The following IMMP2L variants were observed in gnomAD, a reference collection of about 807,000 sequenced individuals.
The protein encoded by IMMP2L is mitochondrial inner membrane protease subunit 2.
A neutral mutation model predicts 19.3 loss-of-function variants in IMMP2L; 18 were observed. That is an observed-to-expected ratio of 0.93 (90% CI 0.64 to 1.38). The LOEUF (loss-of-function observed/expected upper bound fraction) is 1.38. IMMP2L is among the 40% of genes most tolerant of loss of function. The probability of loss-of-function intolerance (pLI) is 0.00; values close to 1 mark genes in which losing one functional copy is unlikely to be tolerated. For missense variants in IMMP2L, 233 were observed against 218.2 expected (o/e 1.07, Z -0.43); for synonymous variants, 76 against 73.0 (o/e 1.04, Z -0.21).
chr7:111,290,506 A>T (rs184484799), intron 3 of IMMP2L, among the ~76,000 whole-genome samples: 13,320 of 141,690 alleles, frequency 0.094, 641 homozygotes, highest in African/African-American at 0.14. Context: ...CTTCTTTTTA[A>T]AAAAAAAAAA....
intron 5 of IMMP2L, among the ~76,000 whole-genome samples, chr7:110,741,362 T>C (rs896889841): frequency 6.6e-6 from 1 of 152,246 alleles, no homozygotes; most frequent in Non-Finnish European, 1.5e-5. Context: ...AAATTCATAC[T>C]GAAGCTTAAT....
At chr7:111,531,555 G>C (rs902247827) in intron 1 of IMMP2L, among the ~76,000 whole-genome samples, 3 of 152,048 alleles carry the variant, frequency 2.0e-5, no homozygotes, top group African/African-American at 7.2e-5. Flanking sequence ...ACAGTGAATA[G>C]CTTTTTACAG....
chr7:111,156,586 A>G (rs866360379), intron 3 of IMMP2L, among the ~76,000 whole-genome samples: 1 of 152,112 alleles, frequency 6.6e-6, no homozygotes, highest in African/African-American at 2.4e-5. Context: ...TCATAAACAC[A>G]TGATATATCT....
chr7:110,751,738 C>A (rs1012456383), intron 5 of IMMP2L, among the ~76,000 whole-genome samples: 1 of 151,920 alleles, frequency 6.6e-6, no homozygotes, highest in Non-Finnish European at 1.5e-5. Flanking sequence ...AAAATAAATA[C>A]TTCTAAATTA....
chr7:111,424,296 G>T (rs2131627832), intron 3 of IMMP2L, among the ~76,000 whole-genome samples: 1 of 151,830 alleles, frequency 6.6e-6, no homozygotes, highest in South Asian at 2.1e-4. Context: ...CAGGAAGGAA[G>T]GAGAGAAGGA....
chr7:110,952,460 T>C (rs896386956), intron 4 of IMMP2L, among the ~76,000 whole-genome samples: 1 of 152,130 alleles, frequency 6.6e-6, no homozygotes, highest in Non-Finnish European at 1.5e-5. Flanking sequence ...GCTCCAAGTG[T>C]GATCTGCTTC....
At chr7:110,814,700 GATATATAT>G (rs143894798) in intron 5 of IMMP2L, among the ~76,000 whole-genome samples, 7 of 143,954 alleles carry the variant, frequency 4.9e-5, no homozygotes, top group Non-Finnish European at 9.1e-5. Flanking sequence ...GTCAAGTACA[GATATATAT>G]ATATATATAT....
At chr7:111,255,107 C>T (rs1321451190) in intron 3 of IMMP2L, among the ~76,000 whole-genome samples, 1 of 152,014 alleles carries the variant, frequency 6.6e-6, no homozygotes, top group African/African-American at 2.4e-5. Context: ...CCACCCCAAT[C>T]CCACTATTTT....
chr7:111,254,731 A>G (rs1816516716), intron 3 of IMMP2L, among the ~76,000 whole-genome samples: 1 of 152,130 alleles, frequency 6.6e-6, no homozygotes, highest in South Asian at 2.1e-4. Flanking sequence ...CATAAGTCCC[A>G]GAGTCGTCCT....
At chr7:110,682,059 T>C (rs1792760215) in intron 5 of IMMP2L, among the ~76,000 whole-genome samples, 1 of 152,166 alleles carries the variant, frequency 6.6e-6, no homozygotes, top group African/African-American at 2.4e-5. Context: ...CCTTCATAAA[T>C]GTTCCTCTGT....
At chr7:110,816,055 G>A (rs1312253902) in intron 5 of IMMP2L, among the ~76,000 whole-genome samples, 1 of 152,096 alleles carries the variant, frequency 6.6e-6, no homozygotes, top group East Asian at 1.9e-4. Flanking sequence ...TAACTGTGAT[G>A]TTAGGGTGTC....
chr7:110,729,437 G>A (rs1796106244), intron 5 of IMMP2L, among the ~76,000 whole-genome samples: 1 of 152,118 alleles, frequency 6.6e-6, no homozygotes, highest in South Asian at 2.1e-4. Flanking sequence ...CACGAGAATA[G>A]CATGGGGGAA....
chr7:111,484,889 C>T (rs956719594), intron 3 of IMMP2L, among the ~76,000 whole-genome samples: 9 of 152,070 alleles, frequency 5.9e-5, no homozygotes, highest in Non-Finnish European at 1.0e-4. Context: ...CAGGCTCAAT[C>T]GATCTTCCTA....
At chr7:110,700,428 T>C (rs1406355086) in intron 5 of IMMP2L, among the ~76,000 whole-genome samples, 3 of 152,296 alleles carry the variant, frequency 2.0e-5, no homozygotes, top group Admixed American at 2.0e-4. Flanking sequence ...TACCTTGCTT[T>C]GGTGAATCTC....
intron 3 of IMMP2L, among the ~76,000 whole-genome samples, chr7:110,979,725 G>C (rs975018025): frequency 6.6e-6 from 1 of 151,818 alleles, no homozygotes; most frequent in African/African-American, 2.4e-5. Context: ...AACCTCAATA[G>C]TAAGAAAACA....
intron 3 of IMMP2L, among the ~76,000 whole-genome samples, chr7:111,060,504 C>T (rs556547401): frequency 5.9e-5 from 9 of 152,152 alleles, no homozygotes; most frequent in Non-Finnish European, 1.3e-4. Context: ...TACAAATAAG[C>T]ACCATAGCGG....
chr7:110,740,565 T>C (rs1268612908), intron 5 of IMMP2L, among the ~76,000 whole-genome samples: 1 of 151,884 alleles, frequency 6.6e-6, no homozygotes, highest in Non-Finnish European at 1.5e-5. Flanking sequence ...GAGATTGAAA[T>C]GGTAATTAAA....
chr7:111,225,027 A>G (rs1812927676), intron 3 of IMMP2L, among the ~76,000 whole-genome samples: 1 of 152,156 alleles, frequency 6.6e-6, no homozygotes. Flanking sequence ...TTTAAGGAAC[A>G]GCACTCCTGG....
intron 2 of IMMP2L, among the ~76,000 whole-genome samples, chr7:111,489,947 G>A (rs753836866): frequency 4.0e-4 from 60 of 151,870 alleles, no homozygotes; most frequent in Middle Eastern, 3.4e-3. Context: ...ACAGGTGTGC[G>A]CCACTATGCC....
Sources: allele counts gnomAD v4.1 joint callset (sites outside exome capture counted in the v4.1 genomes callset), GRCh38; gene constraint gnomAD v4.1.1; transcripts MANE v1.5; gene names NCBI Gene and HGNC (gene_info 2026-07-23, HGNC 2026-07-21).